KCNB2: variants seen among roughly 807,000 people sequenced by gnomAD.
KCNB2 encodes potassium voltage-gated channel subfamily B member 2.
A neutral mutation model predicts 61.5 loss-of-function variants in KCNB2; 15 were observed. The observed-to-expected ratio is 0.24, with a 90% CI of 0.16 to 0.38. The LOEUF (loss-of-function observed/expected upper bound fraction) is 0.38. Among genes scored for constraint, KCNB2 ranks in the 10% least tolerant of loss-of-function variants. KCNB2 has a pLI of 1.00. For missense variants in KCNB2, 828 were observed against 1,125.2 expected (o/e 0.74, Z 3.78); for synonymous variants, 457 against 446.0 (o/e 1.02, Z -0.31).
chr8:72,711,665 C>T (rs534775019), intron 2 of KCNB2, among the ~76,000 whole-genome samples: 2 of 152,314 alleles, frequency 1.3e-5, no homozygotes, highest in East Asian at 3.9e-4. Flanking sequence ...AGAGGCCAAA[C>T]ACCGGGATCT....
At chr8:72,710,886 G>A (rs1807315000) in intron 2 of KCNB2, among the ~76,000 whole-genome samples, 3 of 152,352 alleles carry the variant, frequency 2.0e-5, no homozygotes, top group East Asian at 3.9e-4. Flanking sequence ...CTATTTAAGT[G>A]GATGGAGAAG....
chr8:72,614,098 T>C (rs752213194), intron 2 of KCNB2, among the ~76,000 whole-genome samples: 1 of 152,168 alleles, frequency 6.6e-6, no homozygotes, highest in Non-Finnish European at 1.5e-5. Flanking sequence ...TGTAAATTAG[T>C]TTTGCTCCTG....
intron 2 of KCNB2, among the ~76,000 whole-genome samples, chr8:72,726,296 G>A (rs1298303788): frequency 6.6e-6 from 1 of 152,174 alleles, no homozygotes; most frequent in African/African-American, 2.4e-5. Context: ...AACCATACTG[G>A]CACCTTGATC....
At chr8:72,640,711 T>C (rs1009954018) in intron 2 of KCNB2, among the ~76,000 whole-genome samples, 3 of 152,136 alleles carry the variant, frequency 2.0e-5, no homozygotes, top group African/African-American at 4.8e-5. Flanking sequence ...AAAAGGAGTT[T>C]AATTATAGTT....
intron 2 of KCNB2, among the ~76,000 whole-genome samples, chr8:72,745,663 G>GTTTTTAATGGGGTTTTAATGGGGTTTTAA (rs1808049922): frequency 6.6e-6 from 1 of 152,124 alleles, no homozygotes; most frequent in East Asian, 1.9e-4. Context: ...ACTGTCCAGA[G>GTTTTTAATGGGGTTTTAATGGGGTTTTAA]TTTTTAATGG....
At chr8:72,643,316 G>A (rs181992427) in intron 2 of KCNB2, among the ~76,000 whole-genome samples, 1 of 152,154 alleles carries the variant, frequency 6.6e-6, no homozygotes, top group African/African-American at 2.4e-5. Context: ...TATGGGATGG[G>A]CTAGAACTCC....
At chr8:72,726,367 C>G (rs1807649428) in intron 2 of KCNB2, among the ~76,000 whole-genome samples, 2 of 152,204 alleles carry the variant, frequency 1.3e-5, no homozygotes, top group Admixed American at 6.5e-5. Context: ...GCCACACACT[C>G]TATGGCATTT....
At chr8:72,869,375 T>G (rs1029198475) in intron 2 of KCNB2, among the ~76,000 whole-genome samples, 5 of 152,212 alleles carry the variant, frequency 3.3e-5, no homozygotes, top group Admixed American at 2.0e-4. Context: ...CAGGCACTTT[T>G]GCTTTTGTGG....
intron 2 of KCNB2, among the ~76,000 whole-genome samples, chr8:72,755,347 C>T (rs896008884): frequency 2.0e-5 from 3 of 152,092 alleles, no homozygotes; most frequent in Non-Finnish European, 2.9e-5. Flanking sequence ...AATAATGATG[C>T]ATCAACATTG....
At chr8:72,854,711 G>A (rs28695784) in intron 2 of KCNB2, among the ~76,000 whole-genome samples, 129,683 of 151,950 alleles carry the variant, frequency 0.85, 56,303 homozygotes, top group Middle Eastern at 0.97. Flanking sequence ...AAAAGTAATC[G>A]TTAAGCTGAC....
chr8:72,928,175 T>C (rs970084913), intron 2 of KCNB2, among the ~76,000 whole-genome samples: 8 of 151,308 alleles, frequency 5.3e-5, no homozygotes, highest in African/African-American at 2.0e-4. Context: ...AGTGAGGACT[T>C]CTTTCCACTT....
intron 2 of KCNB2, among the ~76,000 whole-genome samples, chr8:72,923,870 G>T (rs1166827600): frequency 1.3e-5 from 2 of 152,154 alleles, no homozygotes; most frequent in East Asian, 3.8e-4. Flanking sequence ...TAAAAATGTA[G>T]TTAATTATCA....
At chr8:72,740,719 T>G (rs1477634311) in intron 2 of KCNB2, among the ~76,000 whole-genome samples, 3 of 152,192 alleles carry the variant, frequency 2.0e-5, no homozygotes, top group Non-Finnish European at 4.4e-5. Context: ...AGAAAATCCC[T>G]CAGCCTATCT....
chr8:72,794,307 C>T (rs1355856407), intron 2 of KCNB2, among the ~76,000 whole-genome samples: 1 of 152,150 alleles, frequency 6.6e-6, no homozygotes, highest in African/African-American at 2.4e-5. Context: ...TGGCTCACGC[C>T]TGTAATCCCA....
At chr8:72,853,459 C>A (rs1027017628) in intron 2 of KCNB2, among the ~76,000 whole-genome samples, 2 of 152,188 alleles carry the variant, frequency 1.3e-5, no homozygotes, top group African/African-American at 2.4e-5. Flanking sequence ...CCTCACTCCC[C>A]TTCTGCTGAA....
At chr8:72,597,030 T>A (rs1807208301) in intron 2 of KCNB2, among the ~76,000 whole-genome samples, 1 of 101,750 alleles carries the variant, frequency 9.8e-6, no homozygotes, top group Non-Finnish European at 1.9e-5. Flanking sequence ...TTTTTTTTTT[T>A]TTTTTTTTTT....
intron 2 of KCNB2, among the ~76,000 whole-genome samples, chr8:72,753,634 G>A (rs1188844462): frequency 6.6e-6 from 1 of 152,170 alleles, no homozygotes; most frequent in African/African-American, 2.4e-5. Context: ...CCCATTTTAA[G>A]TTTGAGAAAG....
intron 2 of KCNB2, among the ~76,000 whole-genome samples, chr8:72,828,145 G>A (rs1340956364): frequency 6.6e-6 from 1 of 152,072 alleles, no homozygotes; most frequent in Non-Finnish European, 1.5e-5. Context: ...TCTCTCATGA[G>A]GACCCAGCTT....
chr8:72,860,491 A>G (rs1039324159), intron 2 of KCNB2, among the ~76,000 whole-genome samples: 2 of 152,238 alleles, frequency 1.3e-5, no homozygotes, highest in African/African-American at 2.4e-5. Flanking sequence ...TTTAAAAGAA[A>G]GTTTCTCTGC....
Sources: allele counts gnomAD v4.1 joint callset (sites outside exome capture counted in the v4.1 genomes callset), GRCh38; gene constraint gnomAD v4.1.1; transcripts MANE v1.5; gene names NCBI Gene and HGNC (gene_info 2026-07-23, HGNC 2026-07-21).